DENND2B: variants seen among roughly 807,000 people sequenced by gnomAD.
DENND2B encodes the protein DENN domain containing 2B.
In DENND2B, 32 loss-of-function variants were observed where a neutral mutation model predicts 116.0. The observed-to-expected ratio is 0.28, with a 90% CI of 0.21 to 0.37. The LOEUF (loss-of-function observed/expected upper bound fraction) is 0.37. DENND2B is among the 10% of genes least tolerant of loss of function. DENND2B has a pLI of 1.00. For missense variants in DENND2B, 1,276 were observed against 1,477.7 expected, an observed-to-expected ratio of 0.86 and a Z score of 2.24; for synonymous variants, 588 against 583.9, an observed-to-expected ratio of 1.01 and a Z score of -0.10.
At chr11:8,853,373 A>AAAAAG (rs1263650341) in intron 3 of DENND2B, among the ~76,000 whole-genome samples, 1 of 152,172 alleles carries the variant, frequency 6.6e-6, no homozygotes, top group Non-Finnish European at 1.5e-5. Flanking sequence ...CTCAAAAAAC[A>AAAAAG]AAAAGAAAAG....
chr11:8,817,837 T>C (rs2061623166), intron 4 of DENND2B, among the ~76,000 whole-genome samples: 1 of 152,100 alleles, frequency 6.6e-6, no homozygotes, highest in Non-Finnish European at 1.5e-5. Context: ...CACAGGCCCC[T>C]GACCACTGTC....
chr11:8,849,308 C>T (rs137862025), intron 3 of DENND2B, among the ~76,000 whole-genome samples: 3,145 of 150,690 alleles, frequency 0.021, 44 homozygotes, highest in Middle Eastern at 0.036. Flanking sequence ...GCCTGACCAA[C>T]GTGGTGAAAC....
In DENND2B at chr11:8,702,949, G is replaced by A; in HGVS notation, c.2572-229C>T. The A allele has an allele frequency of 1.8e-6, 1 of 556,562 alleles. No individual in the cohort carries two copies. The highest frequency in any genetic ancestry group is 3.1e-6 in the Non-Finnish European group (1 of 320,000). 34.5% of individuals were successfully genotyped at this position (556,562 alleles called of 1,614,324 possible). ...GGCAAGAGGGCTGCCTGTGAAAGCG[G>A]GGAAGGCTCCAGAAGGAAGGAGTTG... On this transcript the variant is annotated intron_variant, in intron 13 of 19. Transcript: ENST00000313726. This position sits in a 1 kb window ranked among gnomAD's most constrained non-coding sequence, Gnocchi z 4.6.
At chr11:8,721,947 C>T (rs551116475) in intron 4 of DENND2B, among the ~76,000 whole-genome samples, 19 of 152,332 alleles carry the variant, frequency 1.2e-4, no homozygotes, top group Middle Eastern at 3.4e-3. Flanking sequence ...GCTCAGGCGC[C>T]GAGGCCACTC....
chr11:8,726,229 G>A lies in DENND2B; in HGVS notation c.1341-20C>T. 1.3e-6 allele frequency: 2 copies of A among 1,595,288 alleles called. No individual in the cohort carries two copies. Among genetic ancestry groups the A allele is most frequent in the South Asian group, 1.1e-5 (1 of 87,786 alleles). On this transcript the variant is annotated intron_variant, in intron 3 of 19. Transcript: ENST00000313726. ...GATTTTCTGTGGATAACAAGAGCAAGAGTCATTCCTGCTGAATCAGATCTC... is the reference window on the plus strand; with the variant it reads ...GATTTTCTGTGGATAACAAGAGCAAAAGTCATTCCTGCTGAATCAGATCTC...
chr11:8,704,266 T>C (rs2042206039), intron 13 of DENND2B, among the ~76,000 whole-genome samples: 1 of 152,186 alleles, frequency 6.6e-6, no homozygotes, highest in Non-Finnish European at 1.5e-5. Context: ...CAAGCTCATG[T>C]GGGTGGGGAG....
In DENND2B at chr11:8,707,447, G is replaced by A. The variant is rs900981657; in HGVS notation, c.2431-222C>T. ...TGGCCTTGCTTCAGTCCCCAAGAGC[G>A]GAGTAGCTGGGCAAAGGAAATACCA... is the stretch of plus-strand genomic sequence containing the variant. On this transcript the variant is annotated intron_variant, in intron 12 of 19. Coordinates refer to ENST00000313726, the MANE Select transcript of DENND2B (RefSeq NM_213618.2). This position sits in a 1 kb window ranked among gnomAD's most constrained non-coding sequence, Gnocchi z 4.8. Among the ~76,000 whole-genome samples, 9 of 152,232 alleles carry A rather than the reference G, an allele frequency of 5.9e-5. No individual in the cohort carries two copies. Among genetic ancestry groups the A allele is most frequent in the African/African-American group, 7.2e-5 (3 of 41,466 alleles).
intron 2 of DENND2B, among the ~76,000 whole-genome samples, chr11:8,857,830 C>A (rs531510731): frequency 9.2e-5 from 14 of 152,318 alleles, no homozygotes; most frequent in Admixed American, 7.2e-4. Flanking sequence ...AGTTTCCTGT[C>A]TATAAACAGA....
chr11:8,869,892 C>A (rs1308994775), intron 2 of DENND2B, among the ~76,000 whole-genome samples: 4 of 151,682 alleles, frequency 2.6e-5, no homozygotes, highest in African/African-American at 9.7e-5. Context: ...GCTTTCTGGA[C>A]CCCAGATTAC....
At chr11:8,698,849 CA>C in intron 16 of DENND2B, 83 bp downstream of exon 16, 1 of 1,525,304 alleles carries the variant, frequency 6.6e-7, no homozygotes, top group Middle Eastern at 1.7e-4. Flanking sequence ...GAGAGCTCAA[CA>C]AACAGGTTGT....
At chr11:8,724,890 T>A (rs1034569248) in intron 4 of DENND2B, among the ~76,000 whole-genome samples, 1 of 152,206 alleles carries the variant, frequency 6.6e-6, no homozygotes, top group Non-Finnish European at 1.5e-5. Context: ...CTGAAAAGAC[T>A]GGGGTTTCCT....
intron 1 of DENND2B, among the ~76,000 whole-genome samples, chr11:8,906,880 A>T (rs1231786786): frequency 6.6e-6 from 1 of 152,192 alleles, no homozygotes; most frequent in Non-Finnish European, 1.5e-5. Flanking sequence ...AAATAACAAT[A>T]CCATTTGTCA....
At chr11:8,877,192 C>CATAGTCACAGTGGCTATGG (rs1479811525) in intron 2 of DENND2B, among the ~76,000 whole-genome samples, 2 of 150,824 alleles carry the variant, frequency 1.3e-5, no homozygotes, top group African/African-American at 2.4e-5. Context: ...CAAGCTCCAC[C>CATAGTCACAGTGGCTATGG]TCCCGGGTTC....
intron 1 of DENND2B, among the ~76,000 whole-genome samples, chr11:8,791,625 G>A (rs2059384769): frequency 6.6e-6 from 1 of 151,914 alleles, no homozygotes; most frequent in Admixed American, 6.6e-5. Flanking sequence ...AAATTAGCCG[G>A]GTATGGTGGC....
chr11:8,907,703 T>C (rs1448412010), intron 1 of DENND2B, among the ~76,000 whole-genome samples: 2 of 151,860 alleles, frequency 1.3e-5, no homozygotes, highest in Non-Finnish European at 2.9e-5. Context: ...AAGCCAACTC[T>C]TTTTTTTCTT....
chr11:8,702,496 T>G lies in DENND2B; in HGVS notation c.2720+76A>C. On this transcript the variant is annotated intron_variant, in intron 14 of 19. Transcript: ENST00000313726. This position sits in a 1 kb window ranked among gnomAD's most constrained non-coding sequence, Gnocchi z 4.6. ...ACTGGTCTCCGGCGCCTGCTTAGGC[T>G]CCTGAACACTTGCTGATTCGCTTGT... is the stretch of plus-strand genomic sequence containing the variant. 1.3e-6 allele frequency: 2 copies of G among 1,592,688 alleles called. No homozygotes were observed. Among genetic ancestry groups the G allele is most frequent in the Admixed American group, 1.7e-5 (1 of 59,126 alleles).
At chr11:8,747,149 G>C (rs2051410478) in intron 2 of DENND2B, among the ~76,000 whole-genome samples, 1 of 152,158 alleles carries the variant, frequency 6.6e-6, no homozygotes, top group African/African-American at 2.4e-5. Flanking sequence ...ATAGCTAATG[G>C]CTTCTACGTG....
chr11:8,878,572 A>C (rs947919740), intron 2 of DENND2B, among the ~76,000 whole-genome samples: 1 of 152,100 alleles, frequency 6.6e-6, no homozygotes, highest in Non-Finnish European at 1.5e-5. Context: ...GTATTTTTGT[A>C]GAGATGGGGT....
chr11:8,809,921 C>T (rs2061237685), intron 1 of DENND2B: 1 of 151,146 alleles, frequency 6.6e-6, no homozygotes, highest in Non-Finnish European at 1.5e-5. Flanking sequence ...TTGATTCTTA[C>T]CAAGCTGCCT....
Sources: allele counts gnomAD v4.1 joint callset (sites outside exome capture counted in the v4.1 genomes callset), GRCh38; gene constraint gnomAD v4.1.1; non-coding constraint Gnocchi (gnomAD v3.1); transcripts MANE v1.5; gene names NCBI Gene and HGNC (gene_info 2026-07-23, HGNC 2026-07-21).